The following SNTG1 variants were observed in gnomAD, a reference collection of about 807,000 sequenced individuals.
SNTG1 encodes the protein syntrophin gamma 1, also known as gamma-1-syntrophin.
SNTG1 carries 39 observed loss-of-function variants against 74.7 expected under a neutral mutation model. The observed-to-expected ratio is 0.52, with a 90% CI of 0.40 to 0.68. The LOEUF (loss-of-function observed/expected upper bound fraction) is 0.68. SNTG1 is among the 30% of genes least tolerant of loss of function. The pLI is 0.00. For synonymous variants in SNTG1, 254 were observed against 217.1 expected, an observed-to-expected ratio of 1.17 and a Z score of -1.49; for missense variants, 685 against 609.5, an observed-to-expected ratio of 1.12 and a Z score of -1.30.
chr8:50,772,707 A>G (rs2095630203), intron 18 of SNTG1, among the ~76,000 whole-genome samples: 1 of 152,082 alleles, frequency 6.6e-6, no homozygotes. Context: ...TCAAAATTTG[A>G]TTCCCAATAT....
rs181881226 is a variant in SNTG1 at position 50,536,264 on chromosome 8, T to C, written c.550-414T>C. Among the ~76,000 whole-genome samples, 500 of 152,352 alleles carry C rather than the reference T, an allele frequency of 3.3e-3. 2 individuals carry two copies. Among genetic ancestry groups the C allele is most frequent in the South Asian group, 6.2e-3 (30 of 4,832 alleles). ...GATAAATTAAAAACACTTATGATTG[T>C]GCTTGGCACTCATAAAATACTCTCT... On this transcript the variant is annotated intron_variant, in intron 10 of 18. Transcript: ENST00000642720.
intron 4 of SNTG1, among the ~76,000 whole-genome samples, chr8:50,434,961 A>G (rs966153964): frequency 6.6e-6 from 1 of 152,006 alleles, no homozygotes; most frequent in African/African-American, 2.4e-5. Context: ...AAATCTCAAA[A>G]TTTCAATACC....
intron 2 of SNTG1, among the ~76,000 whole-genome samples, chr8:50,266,995 C>A (rs114297145): frequency 3.9e-5 from 6 of 152,012 alleles, no homozygotes; most frequent in African/African-American, 1.4e-4. Flanking sequence ...ATTTAAGACA[C>A]CCTTTTTTTT....
chr8:50,527,994 T>A (rs2094235962), intron 9 of SNTG1, among the ~76,000 whole-genome samples: 1 of 152,018 alleles, frequency 6.6e-6, no homozygotes, highest in African/African-American at 2.4e-5. Flanking sequence ...TAATTTAATT[T>A]TATATATTAA....
intron 12 of SNTG1, among the ~76,000 whole-genome samples, chr8:50,587,550 C>T (rs918868989): frequency 3.9e-5 from 6 of 152,242 alleles, no homozygotes; most frequent in Middle Eastern, 3.4e-3. Flanking sequence ...CTTGGCCGGG[C>T]GCAGTGGCTC....
Position 50,144,258 on chromosome 8 carries a change from G to A in SNTG1, c.-102-28303G>A, listed in dbSNP as rs62516674. ...ATTACTTAGAATGCATTGTATGTTC[G>A]GGCCACAGATGGAAGGCAGATGGAG... is the stretch of plus-strand genomic sequence containing the variant. On this transcript the variant is annotated intron_variant, in intron 1 of 18. Coordinates refer to ENST00000642720, the MANE Select transcript of SNTG1 (RefSeq NM_018967.5). Among the ~76,000 whole-genome samples, 1,465 of 152,184 alleles carry A rather than the reference G, an allele frequency of 9.6e-3. 12 individuals are homozygous for A. The highest frequency in any genetic ancestry group is 0.016 in the Non-Finnish European group (1,086 of 68,006).
chr8:50,112,616 A>G (rs1035212095), intron 1 of SNTG1, among the ~76,000 whole-genome samples: 11 of 129,684 alleles, frequency 8.5e-5, no homozygotes, highest in African/African-American at 3.2e-4. Context: ...TCTATCTCCC[A>G]GGTTCAAGAG....
At chr8:50,389,821 T>C (rs748719214) in intron 2 of SNTG1, among the ~76,000 whole-genome samples, 4 of 152,246 alleles carry the variant, frequency 2.6e-5, no homozygotes, top group Non-Finnish European at 5.9e-5. Flanking sequence ...GATTTTCATT[T>C]CTCTGATGGC....
At chr8:50,337,346 A>G (rs2091174806) in intron 2 of SNTG1, among the ~76,000 whole-genome samples, 1 of 152,178 alleles carries the variant, frequency 6.6e-6, no homozygotes, top group Admixed American at 6.5e-5. Flanking sequence ...GTGGTTGCTC[A>G]ATGTGGACTA....
intron 1 of SNTG1, among the ~76,000 whole-genome samples, chr8:49,947,541 C>A (rs570273509): frequency 6.6e-6 from 1 of 152,292 alleles, no homozygotes; most frequent in South Asian, 2.1e-4. Flanking sequence ...AAGGATACTT[C>A]TTCTTAAACT....
intron 1 of SNTG1, among the ~76,000 whole-genome samples, chr8:50,068,616 T>C (rs1449082892): frequency 6.6e-6 from 1 of 152,220 alleles, no homozygotes; most frequent in Non-Finnish European, 1.5e-5. Flanking sequence ...TATTCCACGC[T>C]ACTGATTTAT....
At chr8:49,939,285 T>C (rs1393226909) in intron 1 of SNTG1, among the ~76,000 whole-genome samples, 1 of 152,246 alleles carries the variant, frequency 6.6e-6, no homozygotes, top group Admixed American at 6.5e-5. Context: ...GTATTACTAC[T>C]AGTGAATGTG....
At chr8:50,324,720 G>A (rs930545514) in intron 2 of SNTG1, among the ~76,000 whole-genome samples, 1 of 151,888 alleles carries the variant, frequency 6.6e-6, no homozygotes, top group Non-Finnish European at 1.5e-5. Context: ...TTCCTTGAGA[G>A]TGTCAATTGT....
chr8:50,206,368 TTGTC>T (rs1407493508), intron 2 of SNTG1, among the ~76,000 whole-genome samples: 1 of 152,168 alleles, frequency 6.6e-6, no homozygotes, highest in African/African-American at 2.4e-5. Context: ...GGCTCTCTGT[TTGTC>T]TGTTATTGGT....
chr8:50,438,663 T>G, intron 5 of SNTG1, 64 bp downstream of exon 5: 3 of 1,362,508 alleles, frequency 2.2e-6, no homozygotes, highest in Non-Finnish European at 3.1e-6. Flanking sequence ...TTTGGTGCAT[T>G]TCAATGTTTG....
At chr8:50,324,493 A>C (rs2090658357) in intron 2 of SNTG1, among the ~76,000 whole-genome samples, 1 of 152,174 alleles carries the variant, frequency 6.6e-6, no homozygotes, top group Non-Finnish European at 1.5e-5. Flanking sequence ...GTTGGTTGTT[A>C]AAATTTGGTA....
chr8:50,635,330 A>G (rs2095031946), intron 13 of SNTG1, among the ~76,000 whole-genome samples: 3 of 151,984 alleles, frequency 2.0e-5, no homozygotes, highest in Non-Finnish European at 4.4e-5. Context: ...GCACTCTACA[A>G]TCAGTAGGTG....
At chr8:50,579,180 C>T (rs1230195950) in intron 12 of SNTG1, among the ~76,000 whole-genome samples, 3 of 152,136 alleles carry the variant, frequency 2.0e-5, no homozygotes, top group Admixed American at 6.5e-5. Context: ...AGATGAGGAA[C>T]TTGTTGGGAA....
chr8:50,097,451 T>C (rs944379461), intron 1 of SNTG1, among the ~76,000 whole-genome samples: 12 of 152,294 alleles, frequency 7.9e-5, no homozygotes, highest in Middle Eastern at 3.4e-3. Flanking sequence ...AAATTCCTTA[T>C]ATGTCAGAGA....
Sources: allele counts gnomAD v4.1 joint callset (sites outside exome capture counted in the v4.1 genomes callset), GRCh38; gene constraint gnomAD v4.1.1; transcripts MANE v1.5; gene names NCBI Gene and HGNC (gene_info 2026-07-23, HGNC 2026-07-21).